DCTD: variants seen among roughly 807,000 people sequenced by gnomAD.
DCTD encodes the protein dCMP deaminase, also known as deoxycytidylate deaminase.
DCTD carries 23 observed loss-of-function variants against 21.0 expected under a neutral mutation model. That is an observed-to-expected ratio of 1.09 (90% CI 0.79 to 1.55). The LOEUF (loss-of-function observed/expected upper bound fraction) is 1.55. Ranked by LOEUF, DCTD falls within the 40% of genes most tolerant of loss-of-function variation. The pLI is 0.00. For missense variants in DCTD, 224 were observed against 230.0 expected (o/e 0.97, Z 0.17); for synonymous variants, 71 against 81.1 (o/e 0.88, Z 0.67).
rs1441944825 is a variant in DCTD at position 182,915,038 on chromosome 4, A to G, written c.129T>C (p.Asn43=). The G allele has an allele frequency of 6.2e-7, 1 of 1,614,164 alleles. No individual in the cohort carries two copies. The stretch of plus-strand genomic sequence containing the variant: ...CAATCCCGACAATCTTGTTTTCTGA[A>G]TTCACGATGCAGGCGCCGACCTAGA... The part of the protein sequence containing the change: ...PNSQVGACIV[N]SENKIVGIGY... The change falls in exon 3 of 6, where the codon AAT becomes AAC. Residue 43 remains asparagine, a synonymous_variant. Coordinates refer to ENST00000438320, the MANE Select transcript of DCTD (RefSeq NM_001921.3).
intron 1 of DCTD, 27 bp from the exon 2 acceptor site, chr4:182,915,602 A>C: frequency 2.1e-6 from 3 of 1,412,078 alleles, no homozygotes; most frequent in Non-Finnish European, 3.0e-6. Flanking sequence ...ACAAAACAGA[A>C]GTTGAGAGAA....
rs1219045457 is a variant in DCTD, at chr4:182,890,281, T to C, written c.*1118A>G. 4 of 152,186 alleles carry C rather than the reference T, an allele frequency of 2.6e-5. No individual in the cohort carries two copies. Among genetic ancestry groups the C allele is most frequent in the African/African-American group, 9.7e-5 (4 of 41,436 alleles). The allele number at this position is 152,186 out of a possible 1,614,324, so 9.4% of individuals were successfully genotyped here. On this transcript the variant is annotated 3_prime_UTR_variant, in exon 6 of 6. Coordinates refer to ENST00000438320, the MANE Select transcript of DCTD (RefSeq NM_001921.3). ...TTTCTCAACACAGGTACTGAGCATG[T>C]TTAATAAAAATTAAATGAGATTAAA...
At chr4:182,895,922 G>A (rs970445076) in intron 3 of DCTD, among the ~76,000 whole-genome samples, 1 of 152,184 alleles carries the variant, frequency 6.6e-6, no homozygotes, top group African/African-American at 2.4e-5. Context: ...ACTGCCTTCT[G>A]GCTCCCCTGG....
At chr4:182,908,632 A>G (rs1015126351) in intron 3 of DCTD, among the ~76,000 whole-genome samples, 1 of 148,864 alleles carries the variant, frequency 6.7e-6, no homozygotes, top group Non-Finnish European at 1.5e-5. Context: ...GCAGTGAGCC[A>G]AGATTGTGCC....
intron 5 of DCTD, among the ~76,000 whole-genome samples, chr4:182,892,308 C>T (rs1295735849): frequency 1.3e-5 from 2 of 152,160 alleles, no homozygotes; most frequent in Admixed American, 6.5e-5. Context: ...TAAAATATAG[C>T]TCACAACCAT....
chr4:182,907,845 G>C (rs2152861494), intron 3 of DCTD, among the ~76,000 whole-genome samples: 1 of 152,282 alleles, frequency 6.6e-6, no homozygotes, highest in Non-Finnish European at 1.5e-5. Flanking sequence ...GAGATATTGA[G>C]AAATAAATGT....
intron 3 of DCTD, 44 bp downstream of exon 3, chr4:182,914,879 C>T: frequency 6.2e-7 from 1 of 1,611,330 alleles, no homozygotes; most frequent in South Asian, 1.1e-5. Context: ...AGGCACTCAC[C>T]AGGCTATGTC....
intron 3 of DCTD, among the ~76,000 whole-genome samples, chr4:182,899,012 T>C (rs914993821): frequency 6.6e-6 from 1 of 152,340 alleles, no homozygotes; most frequent in East Asian, 1.9e-4. Flanking sequence ...AGGTGTCAAC[T>C]GTGTTTGCTG....
Position 182,891,418 on chromosome 4 carries a change from G to A in DCTD, c.518C>T (p.Pro173Leu), listed in dbSNP as rs757710383. The A allele has an allele frequency of 5.2e-5, 83 of 1,610,160 alleles. 1 individual carries two copies. The East Asian group carries it at 6.5e-4, about 13-fold the overall frequency. The change falls in exon 6 of 6, where the codon CCG becomes CTG. Residue 173 changes from proline (P) to leucine (L), a missense_variant. Transcript: ENST00000438320. ...VIDFDSINSR[P>L]SQKLQ ...TGTAACTCACTGAAGCTTTTGACTC[G>A]GTCTGCTGTTAATTGAATCAAAGTC...
At chr4:182,910,959 A>G (rs1037056184) in intron 3 of DCTD, among the ~76,000 whole-genome samples, 16 of 152,210 alleles carry the variant, frequency 1.1e-4, no homozygotes, top group African/African-American at 3.9e-4. Context: ...GAATTAATAA[A>G]GCAGTATTAA....
intron 3 of DCTD, among the ~76,000 whole-genome samples, chr4:182,907,853 T>C (rs1289102836): frequency 6.6e-6 from 1 of 152,182 alleles, no homozygotes; most frequent in African/African-American, 2.4e-5. Context: ...GAGAAATAAA[T>C]GTCAGGTGAT....
chr4:182,895,187 T>A (rs1380424749), intron 3 of DCTD, among the ~76,000 whole-genome samples: 1 of 152,152 alleles, frequency 6.6e-6, no homozygotes. Context: ...TCCTCCCAAC[T>A]CAGCCTTCCA....
At chr4:182,905,187 C>T (rs1452752561) in intron 3 of DCTD, among the ~76,000 whole-genome samples, 1 of 152,124 alleles carries the variant, frequency 6.6e-6, no homozygotes, top group Non-Finnish European at 1.5e-5. Context: ...GGCTTGCAAC[C>T]CTATTGCTCC....
chr4:182,901,956 C>T (rs1033892236), intron 3 of DCTD, among the ~76,000 whole-genome samples: 11 of 152,090 alleles, frequency 7.2e-5, no homozygotes, highest in East Asian at 5.8e-4. Flanking sequence ...ACCCCTGCCC[C>T]GGCCCCCACT....
At chr4:182,909,682 AAGGATC>A (rs1240151743) in intron 3 of DCTD, among the ~76,000 whole-genome samples, 1 of 152,246 alleles carries the variant, frequency 6.6e-6, no homozygotes, top group Non-Finnish European at 1.5e-5. Context: ...ATATCTTAAG[AAGGATC>A]AGCCTCCTAA....
intron 3 of DCTD, among the ~76,000 whole-genome samples, chr4:182,897,657 G>A (rs1486387266): frequency 6.6e-6 from 1 of 152,142 alleles, no homozygotes; most frequent in African/African-American, 2.4e-5. Flanking sequence ...CAAGTGTTCG[G>A]TGGAGGGTGT....
At chr4:182,912,114 T>G (rs1229757085) in intron 3 of DCTD, among the ~76,000 whole-genome samples, 2 of 152,016 alleles carry the variant, frequency 1.3e-5, no homozygotes, top group African/African-American at 4.8e-5. Flanking sequence ...ATCCCCTTAT[T>G]TTTTAAATTA....
intron 3 of DCTD, among the ~76,000 whole-genome samples, chr4:182,913,331 G>A (rs1738061162): frequency 1.3e-5 from 2 of 152,136 alleles, no homozygotes; most frequent in African/African-American, 2.4e-5. Context: ...CTGAGGATTC[G>A]GTCCCCTTCA....
At chr4:182,899,781 G>A (rs973904384) in intron 3 of DCTD, among the ~76,000 whole-genome samples, 5 of 152,288 alleles carry the variant, frequency 3.3e-5, no homozygotes, top group East Asian at 1.9e-4. Context: ...CTGGTGTCTA[G>A]CCATAACTGC....
Sources: gnomAD v4.1 joint callset for allele counts (sites outside exome capture counted in the v4.1 genomes callset) on GRCh38, gnomAD v4.1.1 for gene constraint, MANE v1.5 for transcripts, NCBI Gene and HGNC (gene_info 2026-07-23, HGNC 2026-07-21) for gene names.